TMEM44: variants seen among roughly 807,000 people sequenced by gnomAD.
TMEM44 encodes transmembrane protein 44.
In TMEM44, 43 loss-of-function variants were observed where a neutral mutation model predicts 47.8. The ratio of observed to expected loss-of-function variants is 0.90; its 90% CI spans 0.70 to 1.16. The LOEUF (loss-of-function observed/expected upper bound fraction) is 1.16. Ranked by LOEUF, TMEM44 falls within the 50% of genes most tolerant of loss-of-function variation. The pLI, the probability that TMEM44 is intolerant of heterozygous loss-of-function variation, is 0.00. For missense variants in TMEM44, 568 were observed against 555.2 expected (o/e 1.02, Z -0.23); for synonymous variants, 277 against 238.8 (o/e 1.16, Z -1.48).
At chr3:194,618,517 T>A (rs983820780) in intron 5 of TMEM44, among the ~76,000 whole-genome samples, 1 of 146,804 alleles carries the variant, frequency 6.8e-6, no homozygotes, top group African/African-American at 2.5e-5. Flanking sequence ...ACAAATTATA[T>A]TTATATAATT....
At position 194,628,434 on chromosome 3, in the gene TMEM44, G is replaced by C. The variant is rs1316775332; in HGVS notation, c.213C>G (p.Thr71=). 13 of 1,613,266 alleles carry C rather than the reference G, an allele frequency of 8.1e-6. No homozygotes were observed. The highest frequency in any genetic ancestry group is 1.1e-5 in the Non-Finnish European group (13 of 1,179,626). The change falls in exon 2 of 10, where the codon ACC becomes ACG. Residue 71 remains threonine, a synonymous_variant. Coordinates refer to ENST00000347147, the MANE Select transcript of TMEM44 (RefSeq NM_001011655.3). ...SALCAACCLL[T]SLCDTVGALL... The stretch of plus-strand genomic sequence containing the variant: ...GAGCCCCGACGGTGTCACACAGACT[G>C]GTCAGGAGGCAGCACGCAGCACACA...
rs180738008 is a variant in TMEM44, at chr3:194,622,073, G to A, written c.612+1151C>T. Among the ~76,000 whole-genome samples the A allele has an allele frequency of 4.0e-3, 604 of 152,344 alleles. 1 individual carries two copies. Among genetic ancestry groups the A allele is most frequent in the Non-Finnish European group, 6.7e-3 (459 of 68,024 alleles). ...TGGAGTTGGGTTTGCCCACTGTTCT[G>A]TCAGTGAGACAGGAACAGTTGTCTC... On this transcript the variant is annotated intron_variant, in intron 5 of 9. Transcript: ENST00000347147.
chr3:194,594,861 G>C lies in TMEM44; in HGVS notation c.1177-6222C>G, dbSNP rs2109151771. Among the ~76,000 whole-genome samples the C allele has an allele frequency of 2.0e-5, 3 of 152,278 alleles. No individual in the cohort carries two copies. The South Asian group carries it at 6.2e-4, about 32-fold the overall frequency. On this transcript the variant is annotated intron_variant, in intron 9 of 9. Coordinates refer to ENST00000347147, the MANE Select transcript of TMEM44 (RefSeq NM_001011655.3). ...AAAGCTTAAATCTTCAGCGTTATGG[G>C]CAATCTAAAATTTAGGAAGAGCGCC...
chr3:194,615,061 A>C (rs7373543), intron 7 of TMEM44, among the ~76,000 whole-genome samples: 56,938 of 151,666 alleles, frequency 0.38, 11,538 homozygotes, highest in East Asian at 0.78. Context: ...ACATGGTGAA[A>C]CCCCATCTGT....
chr3:194,598,617 T>C (rs1216444311), intron 9 of TMEM44, among the ~76,000 whole-genome samples: 1 of 152,206 alleles, frequency 6.6e-6, no homozygotes, highest in Non-Finnish European at 1.5e-5. Context: ...CCTAGCATAG[T>C]CACTGTTCGC....
intron 6 of TMEM44, chr3:194,616,446 G>C: frequency 2.5e-6 from 1 of 396,590 alleles, no homozygotes; most frequent in Non-Finnish European, 5.1e-6. Context: ...CCAACAGCTG[G>C]GGTCCCTATA....
intron 5 of TMEM44, among the ~76,000 whole-genome samples, chr3:194,618,932 G>T (rs1194509605): frequency 6.6e-6 from 1 of 152,236 alleles, no homozygotes; most frequent in African/African-American, 2.4e-5. Context: ...CGGCTGGGAG[G>T]GTGAGCCCTG....
At chr3:194,607,481 G>C (rs1170732449) in intron 8 of TMEM44, among the ~76,000 whole-genome samples, 1 of 152,114 alleles carries the variant, frequency 6.6e-6, no homozygotes, top group African/African-American at 2.4e-5. Context: ...CATTTATCAA[G>C]TGTTTACTTG....
rs1180145248 is a variant in TMEM44 at position 194,633,253 on chromosome 3, G to A, written c.-38C>T. 2.6e-6 allele frequency: 3 copies of A among 1,137,724 alleles called. No individual in the cohort carries two copies. The highest frequency in any genetic ancestry group is 3.3e-5 in the African/African-American group (2 of 60,352). 70.5% of individuals were successfully genotyped at this position (1,137,724 alleles called of 1,614,324 possible). On this transcript the variant is annotated 5_prime_UTR_variant, in exon 1 of 10. Coordinates refer to ENST00000347147, the MANE Select transcript of TMEM44 (RefSeq NM_001011655.3). The stretch of plus-strand genomic sequence containing the variant: ...CGCGCGGCGCGGGGCCGGGGACCTG[G>A]GCGCAGCCTCCCTCGCCGCGGGCAA...
intron 8 of TMEM44, among the ~76,000 whole-genome samples, chr3:194,606,574 A>G (rs764026142): frequency 6.6e-6 from 1 of 152,160 alleles, no homozygotes; most frequent in East Asian, 1.9e-4. Context: ...TAACTGTAGG[A>G]TCTTGGGCAA....
intron 9 of TMEM44, chr3:194,590,203 T>C (rs1391943257): frequency 1.3e-5 from 2 of 152,216 alleles, no homozygotes; most frequent in African/African-American, 4.8e-5. Flanking sequence ...AAAACACAAA[T>C]TGTGGCCTTG....
At chr3:194,623,802 G>A (rs1356473188) in intron 3 of TMEM44, 107 bp from the exon 4 acceptor site, 18 of 1,439,388 alleles carry the variant, frequency 1.3e-5, no homozygotes, top group South Asian at 7.6e-5. Context: ...ATGCTGAAGC[G>A]GGTTCCCACA....
In TMEM44 at chr3:194,588,096, C is replaced by G. The variant is rs1712081103; in HGVS notation, c.*433G>C. 6.2e-6 allele frequency: 1 copy of G among 160,544 alleles called. No homozygotes were observed. Among genetic ancestry groups the G allele is most frequent in the Admixed American group, 6.2e-5 (1 of 16,032 alleles). The allele number at this position is 160,544 out of a possible 1,614,324, so 9.9% of individuals were successfully genotyped here. A position where few individuals can be genotyped will look rare whatever the true frequency, so the allele number is the denominator to read the frequency against. On this transcript the variant is annotated 3_prime_UTR_variant, in exon 10 of 10. Transcript: ENST00000347147. ...GGCCCCCCAGCACAGGGCCCACCCT[C>G]TCATCTGGCTCAGCCAGGTCTTGCA...
At chr3:194,609,408 A>AG (rs1188914866) in intron 8 of TMEM44, among the ~76,000 whole-genome samples, 1 of 152,122 alleles carries the variant, frequency 6.6e-6, no homozygotes, top group Non-Finnish European at 1.5e-5. Context: ...GCAGAGGCCG[A>AG]GGGGAAAGAA....
intron 8 of TMEM44, among the ~76,000 whole-genome samples, chr3:194,608,160 C>A (rs1330410760): frequency 6.6e-6 from 1 of 152,248 alleles, no homozygotes; most frequent in East Asian, 1.9e-4. Flanking sequence ...TGCCTCCTCC[C>A]TCCCTTCGGA....
chr3:194,598,868 C>T (rs937956651), intron 9 of TMEM44, among the ~76,000 whole-genome samples: 1 of 151,958 alleles, frequency 6.6e-6, no homozygotes, highest in African/African-American at 2.4e-5. Flanking sequence ...CTTAAAGACA[C>T]AGAGTGGCTC....
At chr3:194,619,026 A>G (rs371026493) in intron 5 of TMEM44, among the ~76,000 whole-genome samples, 223 of 152,348 alleles carry the variant, frequency 1.5e-3, no homozygotes, top group African/African-American at 5.1e-3. Context: ...CAGCACTGCT[A>G]TGGCTAGAGG....
Position 194,587,964 on chromosome 3 carries a change from C to T in TMEM44, c.*565G>A, listed in dbSNP as rs563712004. ...TTTGTTTTTGCAGTGTCAGTGATCT[C>T]ACAAGCACTTGGTTGGCCACACAGT... On this transcript the variant is annotated 3_prime_UTR_variant, in exon 10 of 10. Coordinates refer to ENST00000347147, the MANE Select transcript of TMEM44 (RefSeq NM_001011655.3). 6.0e-4 allele frequency: 91 copies of T among 152,782 alleles called. No individual in the cohort carries two copies. The highest frequency in any genetic ancestry group is 1.6e-3 in the Admixed American group (25 of 15,338). 9.5% of individuals were successfully genotyped at this position (152,782 alleles called of 1,614,324 possible).
chr3:194,610,864 A>G lies in TMEM44; in HGVS notation c.1017+52T>C, dbSNP rs111279404. 4,283 of 1,512,224 alleles carry G rather than the reference A, an allele frequency of 2.8e-3. 109 individuals carry two copies. The African/African-American group carries it at 0.051, about 18-fold the overall frequency. 93.7% of individuals were successfully genotyped at this position (1,512,224 alleles called of 1,614,324 possible). Reference sequence around the variant, plus strand: ...CATCACCTCCTCCAGGAAGCCTTCCATGACTGCTTCCCATCCTCTCAGACA... The same window carrying G: ...CATCACCTCCTCCAGGAAGCCTTCCGTGACTGCTTCCCATCCTCTCAGACA... On this transcript the variant is annotated intron_variant, in intron 8 of 9. Transcript: ENST00000347147.
Sources: gnomAD v4.1 joint callset for allele counts (sites outside exome capture counted in the v4.1 genomes callset) on GRCh38, gnomAD v4.1.1 for gene constraint, MANE v1.5 for transcripts, NCBI Gene and HGNC (gene_info 2026-07-23, HGNC 2026-07-21) for gene names.